Variants in GLB1 observed in about 807,000 individuals in gnomAD.
GLB1 encodes the protein galactosidase beta 1.
A neutral mutation model predicts 74.0 loss-of-function variants in GLB1; 56 were observed. That is an observed-to-expected ratio of 0.76 (90% confidence interval 0.61 to 0.94). The LOEUF (loss-of-function observed/expected upper bound fraction) is 0.94. Among genes scored for constraint, GLB1 ranks in the 40% least tolerant of loss-of-function variants. GLB1 has a pLI of 0.00. For missense variants in GLB1, 787 were observed against 845.5 expected, an observed-to-expected ratio of 0.93 and a Z score of 0.86; for synonymous variants, 323 against 323.6, an observed-to-expected ratio of 1.00 and a Z score of 0.02.
At chr3:33,087,402 T>C (rs1325357556) in intron 1 of GLB1, among the ~76,000 whole-genome samples, 1 of 152,090 alleles carries the variant, frequency 6.6e-6, no homozygotes, top group African/African-American at 2.4e-5. Context: ...AAACCCCGTC[T>C]CTACTAAAAA....
chr3:33,050,346 A>G (rs4630893), intron 9 of GLB1, among the ~76,000 whole-genome samples: 11,630 of 152,266 alleles, frequency 0.076, 1,079 homozygotes, highest in East Asian at 0.48. Context: ...CTTGTACATC[A>G]ATGTTCAAAG....
intron 15 of GLB1, among the ~76,000 whole-genome samples, chr3:33,012,403 C>A (rs1697065128): frequency 6.6e-6 from 1 of 152,112 alleles, no homozygotes; most frequent in South Asian, 2.1e-4. Context: ...GTGGAGCCCT[C>A]ATGAATGAAA....
At chr3:33,004,851 G>A (rs1696721972) in intron 15 of GLB1, among the ~76,000 whole-genome samples, 1 of 152,164 alleles carries the variant, frequency 6.6e-6, no homozygotes, top group Admixed American at 6.5e-5. Context: ...GGCTGGAGGT[G>A]CCTATGAGAC....
At chr3:32,966,772 G>C in the GLB1 span, among the ~76,000 whole-genome samples, 18 of 152,266 alleles carry the variant, frequency 1.2e-4, no homozygotes, top group Non-Finnish European at 1.5e-4. Context: ...ATGGCAGTGG[G>C]TTTTCCCATG....
rs756300205 is a variant in GLB1, at chr3:33,014,178, C to T, written c.1612G>A (p.Ala538Thr). ...GHRDSGHHDE[A>T]WAHNSSNYTL... ...TAGTTGGATGAGTTGTGGGCCCAGG[C>T]TTCATCATGGTGGCCACTGTCACGG... The change falls in exon 15 of 16, where the codon GCC (alanine) becomes ACC (threonine). Residue 538 changes from alanine to threonine, a missense_variant. By Grantham distance (58) the Ala-to-Thr change is moderately conservative. Coordinates refer to ENST00000307363, the MANE Select transcript of GLB1 (RefSeq NM_000404.4). 8 of 1,614,122 alleles carry T rather than the reference C, an allele frequency of 5.0e-6. No individual in the cohort carries two copies. The Admixed American group carries it at 1.3e-4, about 27-fold the overall frequency.
intron 10 of GLB1, among the ~76,000 whole-genome samples, chr3:33,040,682 G>A (rs57502645): frequency 0.075 from 11,462 of 152,002 alleles, 561 homozygotes; most frequent in East Asian, 0.24. Context: ...CAACACACAC[G>A]CAGAAACAAG....
chr3:33,092,201 A>T lies in GLB1; in HGVS notation c.75+4810T>A, dbSNP rs145092087. 766 of 985,864 alleles carry T rather than the reference A, an allele frequency of 7.8e-4. 7 individuals carry two copies. The African/African-American group carries it at 0.012, about 15-fold the overall frequency. The allele number at this position is 985,864 out of a possible 1,614,324, so 61.1% of individuals were successfully genotyped here. On this transcript the variant is annotated intron_variant, in intron 1 of 15. Transcript: ENST00000307363. ...CAAAGGCCCAGGAGCACAGACAGTT[A>T]AATAGCATCCCTCAAGGCCTGGAAC...
chr3:33,084,891 T>C (rs948519510), intron 1 of GLB1, among the ~76,000 whole-genome samples: 1 of 152,142 alleles, frequency 6.6e-6, no homozygotes, highest in Non-Finnish European at 1.5e-5. Flanking sequence ...AATAACCACA[T>C]TGACGTTACT....
chr3:33,049,112 A>G (rs1300207486), intron 9 of GLB1, among the ~76,000 whole-genome samples: 4 of 152,198 alleles, frequency 2.6e-5, no homozygotes, highest in Non-Finnish European at 5.9e-5. Flanking sequence ...TGAACCATAA[A>G]GTTCCAAAAA....
At chr3:32,965,502 C>T in the GLB1 span, among the ~76,000 whole-genome samples, 4 of 151,764 alleles carry the variant, frequency 2.6e-5, no homozygotes, top group South Asian at 2.1e-4. Context: ...AAGAAATTTC[C>T]GAGCAGCAAA....
At chr3:33,065,802 T>C (rs544125939) in intron 4 of GLB1, among the ~76,000 whole-genome samples, 84 of 152,088 alleles carry the variant, frequency 5.5e-4, no homozygotes, top group Non-Finnish European at 1.0e-3. Flanking sequence ...ACCCCATCTC[T>C]ACTAAAAATG....
the GLB1 span, among the ~76,000 whole-genome samples, chr3:32,975,107 G>A: frequency 2.0e-5 from 3 of 152,016 alleles, no homozygotes; most frequent in Non-Finnish European, 4.4e-5. Flanking sequence ...TTTGAGACGG[G>A]GTCTCACTCT....
chr3:33,015,335 G>A (rs1425071281), intron 14 of GLB1, among the ~76,000 whole-genome samples: 1 of 152,198 alleles, frequency 6.6e-6, no homozygotes, highest in South Asian at 2.1e-4. Context: ...GGCCAAGTGA[G>A]ATAACATACA....
intron 10 of GLB1, among the ~76,000 whole-genome samples, chr3:33,036,897 A>C (rs1698301172): frequency 6.6e-6 from 1 of 152,244 alleles, no homozygotes; most frequent in African/African-American, 2.4e-5. Context: ...CTTCATGGTT[A>C]CAGAGTTTCT....
intron 10 of GLB1, among the ~76,000 whole-genome samples, chr3:33,042,370 CTTT>C (rs66685286): frequency 1.0e-5 from 1 of 99,238 alleles, no homozygotes; most frequent in South Asian, 3.4e-4. Flanking sequence ...TCATCTCCTC[CTTT>C]TTTTTTTTTT....
At chr3:32,986,170 G>A in the GLB1 span, among the ~76,000 whole-genome samples, 51 of 152,326 alleles carry the variant, frequency 3.3e-4, no homozygotes, top group East Asian at 9.1e-3. Context: ...CTGCTCTGTC[G>A]GCTGCTCCTG....
chr3:33,095,768 C>T (rs1016442168), intron 1 of GLB1, among the ~76,000 whole-genome samples: 3 of 152,188 alleles, frequency 2.0e-5, no homozygotes, highest in African/African-American at 7.2e-5. Context: ...GCCCCTTACC[C>T]TGCCACTGTT....
At chr3:33,024,549 T>A in intron 10 of GLB1, 1 of 519,492 alleles carries the variant, frequency 1.9e-6, no homozygotes, top group Non-Finnish European at 3.4e-6. Context: ...TCCAAATAAT[T>A]ATAAACCGAA....
chr3:33,024,907 G>A (rs973844306), intron 10 of GLB1, among the ~76,000 whole-genome samples: 1 of 151,860 alleles, frequency 6.6e-6, no homozygotes, highest in Non-Finnish European at 1.5e-5. Context: ...AGAGTAAAAT[G>A]TTGACACAGA....
Sources: allele counts gnomAD v4.1 joint callset (sites outside exome capture counted in the v4.1 genomes callset), GRCh38; gene constraint gnomAD v4.1.1; transcripts MANE v1.5; gene names NCBI Gene and HGNC (gene_info 2026-07-23, HGNC 2026-07-21).